The following PCDHA12 variants were observed in gnomAD, a reference collection of about 807,000 sequenced individuals.
PCDHA12 encodes the protein protocadherin alpha-12.
Under a neutral mutation model 60.0 loss-of-function variants are expected in PCDHA12, and 44 were observed. The ratio of observed to expected loss-of-function variants is 0.73; its 90% confidence interval spans 0.58 to 0.94. The LOEUF (loss-of-function observed/expected upper bound fraction) is 0.94. PCDHA12 is among the 40% of genes least tolerant of loss of function. The pLI is 0.00. For synonymous variants in PCDHA12, 569 were observed against 553.0 expected, an observed-to-expected ratio of 1.03 and a Z score of -0.40; for missense variants, 1,276 against 1,239.7, an observed-to-expected ratio of 1.03 and a Z score of -0.44.
At chr5:140,968,353 C>A (rs1377792748) in intron 1 of PCDHA12, 1 of 1,614,106 alleles carries the variant, frequency 6.2e-7, no homozygotes, top group Non-Finnish European at 8.5e-7. Context: ...GTGCCAGTGG[C>A]AGCCTTTATG....
rs2091506714 is a variant in PCDHA12, at chr5:140,937,376, G to C, written c.2368-41573G>C. Reference sequence around the variant, plus strand: ...TATTATTTTATCTTAATGTTTATGTGTGTGTATGTGTATATAGGGGTATTG... The same window carrying C: ...TATTATTTTATCTTAATGTTTATGTCTGTGTATGTGTATATAGGGGTATTG... On this transcript the variant is annotated intron_variant, in intron 1 of 3. Coordinates refer to ENST00000398631, the MANE Select transcript of PCDHA12 (RefSeq NM_018903.4). Among the ~76,000 whole-genome samples, 4 of 152,084 alleles carry C rather than the reference G, an allele frequency of 2.6e-5. No homozygotes were observed. In the South Asian group the frequency reaches 8.3e-4, roughly 32 times the overall value.
chr5:140,946,019 C>CA (rs1222084270), intron 1 of PCDHA12, among the ~76,000 whole-genome samples: 3 of 151,732 alleles, frequency 2.0e-5, no homozygotes, highest in Non-Finnish European at 4.4e-5. Flanking sequence ...TCCTGCGCAG[C>CA]AAAGAAAACA....
At chr5:140,959,090 G>A (rs797041561) in intron 1 of PCDHA12, among the ~76,000 whole-genome samples, 2 of 151,986 alleles carry the variant, frequency 1.3e-5, no homozygotes, top group African/African-American at 2.4e-5. Flanking sequence ...CCTTGGTTTC[G>A]GACATTCAGC....
At chr5:140,936,266 A>G (rs1407459228) in intron 1 of PCDHA12, among the ~76,000 whole-genome samples, 1 of 152,182 alleles carries the variant, frequency 6.6e-6, no homozygotes, top group African/African-American at 2.4e-5. Context: ...TCATGAAGAT[A>G]TATTCCTGTG....
In PCDHA12 at chr5:141,010,844, A is replaced by T. The variant is rs1286149629; in HGVS notation, c.*907A>T. ...TGTTTGTTGTTTCATAGATTTATTT[A>T]AAAAAAGAGAAAGTCTATAGCTATA... On this transcript the variant is annotated 3_prime_UTR_variant, in exon 4 of 4. Coordinates refer to ENST00000398631, the MANE Select transcript of PCDHA12 (RefSeq NM_018903.4). The T allele has an allele frequency of 1.3e-5, 2 of 153,756 alleles. No homozygotes were observed. The highest frequency in any genetic ancestry group is 2.9e-5 in the Non-Finnish European group (2 of 68,056). 9.5% of individuals were successfully genotyped at this position (153,756 alleles called of 1,614,324 possible).
chr5:140,983,363 C>A (rs574253600), intron 3 of PCDHA12, among the ~76,000 whole-genome samples: 33 of 152,290 alleles, frequency 2.2e-4, no homozygotes, highest in African/African-American at 7.9e-4. Context: ...AGAAATATGG[C>A]TTTGGAGGCC....
intron 1 of PCDHA12, among the ~76,000 whole-genome samples, chr5:140,973,232 G>A (rs1307717074): frequency 6.6e-6 from 1 of 152,196 alleles, no homozygotes; most frequent in Non-Finnish European, 1.5e-5. Context: ...ATAGTGACCT[G>A]AAAGAGTTAA....
At chr5:140,966,914 G>A in intron 1 of PCDHA12, 1 of 1,602,270 alleles carries the variant, frequency 6.2e-7, no homozygotes, top group Non-Finnish European at 8.5e-7. Context: ...CTCTGTGCCA[G>A]AGGAGCAGGC....
At chr5:140,993,364 T>G (rs1285844193) in intron 3 of PCDHA12, among the ~76,000 whole-genome samples, 1 of 151,930 alleles carries the variant, frequency 6.6e-6, no homozygotes, top group Non-Finnish European at 1.5e-5. Flanking sequence ...TCACAAAAAC[T>G]ACCTCCCAGC....
At chr5:140,882,376 C>G in intron 1 of PCDHA12, 1 of 1,614,190 alleles carries the variant, frequency 6.2e-7, no homozygotes, top group South Asian at 1.1e-5. Context: ...ACTCCGTCCC[C>G]GAGGAAGCAA....
intron 1 of PCDHA12, chr5:140,884,276 G>C: frequency 6.8e-6 from 11 of 1,613,638 alleles, no homozygotes; most frequent in Non-Finnish European, 9.3e-6. Context: ...GTTGTCGCTG[G>C]TGGAGAGCGG....
At chr5:140,963,594 C>G (rs549697848) in intron 1 of PCDHA12, among the ~76,000 whole-genome samples, 1 of 152,258 alleles carries the variant, frequency 6.6e-6, no homozygotes, top group South Asian at 2.1e-4. Flanking sequence ...GGATATAGTT[C>G]TAGACGTAAT....
intron 1 of PCDHA12, among the ~76,000 whole-genome samples, chr5:140,978,737 G>A (rs2096820627): frequency 6.6e-6 from 1 of 152,180 alleles, no homozygotes; most frequent in Admixed American, 6.5e-5. Context: ...GGTCTTCCAG[G>A]GTATCTAATC....
intron 1 of PCDHA12, among the ~76,000 whole-genome samples, chr5:140,961,885 C>G (rs2095640261): frequency 6.7e-6 from 1 of 149,548 alleles, no homozygotes. Context: ...TTACTTACAT[C>G]AGTTTTTTTT....
chr5:140,882,777 A>G (rs2059309071), intron 1 of PCDHA12: 1 of 1,614,096 alleles, frequency 6.2e-7, no homozygotes, highest in Non-Finnish European at 8.5e-7. Context: ...GCATTGACCT[A>G]CCGACTGGAT....
chr5:140,880,528 A>T lies in PCDHA12; in HGVS notation c.2367+2689A>T, dbSNP rs539592135. ...GTTTGGTCACATCTCTCAATGTGTGAATCATCTGAAAGTGAACTGATGGAA... is the reference window on the plus strand; with the variant it reads ...GTTTGGTCACATCTCTCAATGTGTGTATCATCTGAAAGTGAACTGATGGAA... On this transcript the variant is annotated intron_variant, in intron 1 of 3. Coordinates refer to ENST00000398631, the MANE Select transcript of PCDHA12 (RefSeq NM_018903.4). 7.9e-5 allele frequency among the ~76,000 whole-genome samples: 12 copies of T among 152,354 alleles called. No homozygotes were observed. The East Asian group carries it at 2.3e-3, about 29-fold the overall frequency.
chr5:140,907,139 T>C (rs2073191409), intron 1 of PCDHA12, among the ~76,000 whole-genome samples: 1 of 152,148 alleles, frequency 6.6e-6, no homozygotes, highest in African/African-American at 2.4e-5. Context: ...GAATTCCGGC[T>C]ATGGGAGAAA....
At chr5:140,917,117 C>A (rs1318149439) in intron 1 of PCDHA12, among the ~76,000 whole-genome samples, 1 of 152,018 alleles carries the variant, frequency 6.6e-6, no homozygotes, top group Non-Finnish European at 1.5e-5. Flanking sequence ...CCTCCAAGTG[C>A]GCAGACTCCC....
chr5:140,880,385 A>T (rs191215782), intron 1 of PCDHA12, among the ~76,000 whole-genome samples: 86 of 152,346 alleles, frequency 5.6e-4, no homozygotes, highest in African/African-American at 2.1e-3. Context: ...ATAGAAAATA[A>T]TTTTTAAGAG....
Sources: gnomAD v4.1 joint callset for allele counts (sites outside exome capture counted in the v4.1 genomes callset) on GRCh38, gnomAD v4.1.1 for gene constraint, MANE v1.5 for transcripts, NCBI Gene and HGNC (gene_info 2026-07-23, HGNC 2026-07-21) for gene names.